The following ZNRF1 variants were observed in gnomAD, a reference collection of about 807,000 sequenced individuals.
ZNRF1 encodes E3 ubiquitin-protein ligase ZNRF1.
A neutral mutation model predicts 18.4 loss-of-function variants in ZNRF1; 3 were observed. That is an observed-to-expected ratio of 0.16 (90% CI 0.07 to 0.42). The LOEUF (loss-of-function observed/expected upper bound fraction) is 0.42. Among genes scored for constraint, ZNRF1 ranks in the 10% least tolerant of loss-of-function variants. The pLI, the probability that ZNRF1 is intolerant of heterozygous loss-of-function variation, is 0.99. For missense variants in ZNRF1, 310 were observed against 329.8 expected, an observed-to-expected ratio of 0.94 and a Z score of 0.47; for synonymous variants, 157 against 144.2, an observed-to-expected ratio of 1.09 and a Z score of -0.64.
chr16:75,024,074 T>G (rs1469717514), intron 1 of ZNRF1, among the ~76,000 whole-genome samples: 3 of 152,110 alleles, frequency 2.0e-5, no homozygotes, highest in Non-Finnish European at 4.4e-5. Context: ...TTCACCATGT[T>G]GGCCAGGCTG....
chr16:75,070,617 A>G (rs1321514233), intron 1 of ZNRF1, among the ~76,000 whole-genome samples: 1 of 152,112 alleles, frequency 6.6e-6, no homozygotes, highest in East Asian at 1.9e-4. Context: ...GCATTCACAA[A>G]CTAAGTACCT....
chr16:75,012,766 T>C (rs1369644160), intron 1 of ZNRF1, among the ~76,000 whole-genome samples: 1 of 152,224 alleles, frequency 6.6e-6, no homozygotes, highest in Non-Finnish European at 1.5e-5. Flanking sequence ...CTATCTTACA[T>C]AAGCTACAGA....
In ZNRF1 at chr16:75,105,020, G is replaced by A. The variant is rs2036298021; in HGVS notation, c.626+131G>A. 9.9e-6 allele frequency: 7 copies of A among 706,170 alleles called. No individual in the cohort carries two copies. The South Asian group carries it at 1.0e-4, about 10-fold the overall frequency. The allele number at this position is 706,170 out of a possible 1,614,324, so 43.7% of individuals were successfully genotyped here. ...GACCTCTGGCTCCGAGCGGGTAAGGGCAGAGGCCATCAGACAGGTGTCCAC... is the reference window on the plus strand; with the variant it reads ...GACCTCTGGCTCCGAGCGGGTAAGGACAGAGGCCATCAGACAGGTGTCCAC... On this transcript the variant is annotated intron_variant, in intron 3 of 4. Transcript: ENST00000335325.
At chr16:75,081,420 C>A (rs1401656708) in intron 1 of ZNRF1, among the ~76,000 whole-genome samples, 1 of 152,168 alleles carries the variant, frequency 6.6e-6, no homozygotes, top group East Asian at 1.9e-4. Flanking sequence ...GTGGTAACTG[C>A]CTGTTTTACC....
At position 74,999,366 on chromosome 16, in the gene ZNRF1, C is replaced by T. The variant is rs1406578826; in HGVS notation, c.-306C>T. 2 of 211,916 alleles carry T rather than the reference C, an allele frequency of 9.4e-6. No individual in the cohort carries two copies. Among genetic ancestry groups the T allele is most frequent in the Non-Finnish European group, 1.9e-5 (2 of 107,722 alleles). The allele number at this position is 211,916 out of a possible 1,614,324, so 13.1% of individuals were successfully genotyped here. ...CCTTCCCTGCGGCTCCCCCGGCTTT[C>T]GGAGCCCGGGGGCGGCCTGTGGCGC... On this transcript the variant is annotated 5_prime_UTR_variant, in exon 1 of 5. Coordinates refer to ENST00000335325, the MANE Select transcript of ZNRF1 (RefSeq NM_032268.5).
At chr16:75,094,150 G>T (rs1301808265) in intron 2 of ZNRF1, among the ~76,000 whole-genome samples, 1 of 152,170 alleles carries the variant, frequency 6.6e-6, no homozygotes, top group African/African-American at 2.4e-5. Context: ...GTTCGAACTC[G>T]GACGAACACC....
intron 1 of ZNRF1, among the ~76,000 whole-genome samples, chr16:75,008,981 C>T (rs2034959812): frequency 1.3e-5 from 2 of 152,164 alleles, no homozygotes. Context: ...GGTCCTCTGT[C>T]CTCTCAGTGA....
chr16:75,027,931 C>A (rs1362191935), intron 1 of ZNRF1, among the ~76,000 whole-genome samples: 1 of 152,206 alleles, frequency 6.6e-6, no homozygotes, highest in African/African-American at 2.4e-5. Context: ...AAACACCTTT[C>A]TTAGCCTTTG....
intron 1 of ZNRF1, chr16:75,000,369 T>C (rs764080444): frequency 1.6e-6 from 1 of 630,356 alleles, no homozygotes; most frequent in South Asian, 1.5e-5. Context: ...TTTATTGGCA[T>C]CACCCTCCTC....
At chr16:75,062,889 T>G (rs975508522) in intron 1 of ZNRF1, among the ~76,000 whole-genome samples, 5 of 152,178 alleles carry the variant, frequency 3.3e-5, no homozygotes, top group Non-Finnish European at 5.9e-5. Flanking sequence ...TTATAGAACA[T>G]TTACCACGTG....
At chr16:75,010,907 G>C (rs1376647141) in intron 1 of ZNRF1, among the ~76,000 whole-genome samples, 1 of 151,708 alleles carries the variant, frequency 6.6e-6, no homozygotes, top group Non-Finnish European at 1.5e-5. Flanking sequence ...ATGGGGTTTC[G>C]CCAATTGGCC....
rs1431087711 is a variant in ZNRF1, at chr16:75,109,002, C to G, written c.*1302C>G. ...TGCAGGGGCCAAGATGTTGCAGCCA[C>G]CGGAGGCTGCAAGGATGTGGGTTCT... On this transcript the variant is annotated 3_prime_UTR_variant, in exon 5 of 5. Coordinates refer to ENST00000335325, the MANE Select transcript of ZNRF1 (RefSeq NM_032268.5). 4 of 156,166 alleles carry G rather than the reference C, an allele frequency of 2.6e-5. No individual in the cohort carries two copies. Among genetic ancestry groups the G allele is most frequent in the East Asian group, 3.7e-4 (2 of 5,408 alleles). 9.7% of individuals were successfully genotyped at this position (156,166 alleles called of 1,614,324 possible).
Position 75,098,018 on chromosome 16 carries a change from C to T in ZNRF1, c.520+4351C>T, listed in dbSNP as rs2036218460. Among the ~76,000 whole-genome samples the T allele has an allele frequency of 2.0e-5, 3 of 152,224 alleles. No homozygotes were observed. The South Asian group carries it at 6.2e-4, about 32-fold the overall frequency. On this transcript the variant is annotated intron_variant, in intron 2 of 4. Coordinates refer to ENST00000335325, the MANE Select transcript of ZNRF1 (RefSeq NM_032268.5). ...GGTGCTGGCCGAGGAGTTTGCCCAG[C>T]CTTGCTTGGGGCATTGCCCAGAGCC... is the stretch of plus-strand genomic sequence containing the variant.
At position 75,029,726 on chromosome 16, in the gene ZNRF1, G is replaced by A. The variant is rs146419811; in HGVS notation, c.424+29631G>A. On this transcript the variant is annotated intron_variant, in intron 1 of 4. Transcript: ENST00000335325. ...GGAGGTTGCAGTGAGCCAAGATCAT[G>A]CCACTGCACTCTAGCCTGGGTAACA... Among the ~76,000 whole-genome samples, 377 of 151,326 alleles carry A rather than the reference G, an allele frequency of 2.5e-3. 1 individual carries two copies. The highest frequency in any genetic ancestry group is 8.6e-3 in the African/African-American group (354 of 41,172).
At chr16:75,056,606 A>G (rs2035671395) in intron 1 of ZNRF1, among the ~76,000 whole-genome samples, 1 of 151,866 alleles carries the variant, frequency 6.6e-6, no homozygotes. Flanking sequence ...CATTTCAAGG[A>G]CTTGGTTCAT....
chr16:75,029,190 A>C (rs1182882998), intron 1 of ZNRF1, among the ~76,000 whole-genome samples: 1 of 151,030 alleles, frequency 6.6e-6, no homozygotes, highest in East Asian at 2.0e-4. Context: ...GCTGTCGCCC[A>C]GGCTGGAGTG....
At chr16:75,012,134 A>G (rs934439261) in intron 1 of ZNRF1, among the ~76,000 whole-genome samples, 8 of 152,252 alleles carry the variant, frequency 5.3e-5, no homozygotes, top group African/African-American at 1.7e-4. Flanking sequence ...AAAGGCTGCC[A>G]TATCAGAACG....
At chr16:75,066,924 C>T (rs551763378) in intron 1 of ZNRF1, among the ~76,000 whole-genome samples, 33 of 151,912 alleles carry the variant, frequency 2.2e-4, no homozygotes, top group Admixed American at 2.1e-3. Context: ...CAGTAATAAT[C>T]ATTATCTCTC....
intron 4 of ZNRF1, chr16:75,107,357 G>C (rs967531878): frequency 4.9e-6 from 1 of 205,024 alleles, no homozygotes; most frequent in African/African-American, 2.4e-5. Flanking sequence ...CACAGCCAAA[G>C]GTTTTGGGAC....
Sources: gnomAD v4.1 joint callset for allele counts (sites outside exome capture counted in the v4.1 genomes callset) on GRCh38, gnomAD v4.1.1 for gene constraint, MANE v1.5 for transcripts, NCBI Gene and HGNC (gene_info 2026-07-23, HGNC 2026-07-21) for gene names.